TESMIN: variants seen among roughly 807,000 people sequenced by gnomAD.
TESMIN encodes CXC domain containing 2.
In TESMIN, 34 loss-of-function variants were observed where a neutral mutation model predicts 47.4. The observed-to-expected ratio is 0.72, with a 90% CI of 0.55 to 0.96. The LOEUF (loss-of-function observed/expected upper bound fraction) is 0.96. TESMIN is among the 40% of genes least tolerant of loss of function. The pLI is 0.00. For missense variants in TESMIN, 610 were observed against 637.2 expected (o/e 0.96, Z 0.46); for synonymous variants, 278 against 258.9 (o/e 1.07, Z -0.71).
At position 68,750,382 on chromosome 11, in the gene TESMIN, G is replaced by A; in HGVS notation, c.279C>T (p.Leu93=). Residue 93 remains leucine, a synonymous_variant, in exon 2 of 10, where the codon CTC becomes CTT. Transcript: ENST00000255087. ...LAGGDSDGGE[L]LGEYPGIPEL... Reference sequence around the variant, plus strand: ...CTGGGATCCCGGGGTACTCCCCGAGGAGCTCCCCGCCGTCGCTGTCGCCCC... The same window carrying A: ...CTGGGATCCCGGGGTACTCCCCGAGAAGCTCCCCGCCGTCGCTGTCGCCCC... 2.0e-6 allele frequency: 3 copies of A among 1,513,220 alleles called. No homozygotes were observed. The highest frequency in any genetic ancestry group is 1.8e-6 in the Non-Finnish European group (2 of 1,127,174). 93.7% of individuals were successfully genotyped at this position (1,513,220 alleles called of 1,614,324 possible). A position where few individuals can be genotyped will look rare whatever the true frequency, so the allele number is the denominator to read the frequency against.
chr11:68,737,710 A>C, intron 6 of TESMIN: 1 of 960,336 alleles, frequency 1.0e-6, no homozygotes, highest in Non-Finnish European at 1.2e-6. Flanking sequence ...TCAGTATTTC[A>C]AGACCAGCCT....
At position 68,744,795 on chromosome 11, in the gene TESMIN, ACAGT is replaced by A. The variant is rs1466336329; in HGVS notation, c.751+192_751+195del. The A allele has an allele frequency of 4.2e-5, 16 of 379,760 alleles. No homozygotes were observed. In the East Asian group the frequency reaches 7.0e-4, roughly 17 times the overall value. The allele number at this position is 379,760 out of a possible 1,614,324, so 23.5% of individuals were successfully genotyped here. ...AGGGACAGCTATCCAAGAATTTGAG[ACAGT>A]CAGTACAGGGTACAAAAATTAGTCT... On this transcript the variant is annotated intron_variant, in intron 4 of 9. Transcript: ENST00000255087.
intron 6 of TESMIN, among the ~76,000 whole-genome samples, chr11:68,731,459 C>G (rs1437728675): frequency 4.7e-5 from 7 of 148,754 alleles, no homozygotes; most frequent in African/African-American, 1.7e-4. Context: ...AAAAAAAATA[C>G]TGTCATGTGT....
In TESMIN at chr11:68,744,977, A is replaced by G. The variant is rs761671970; in HGVS notation, c.751+14T>C. The G allele has an allele frequency of 6.5e-7, 1 of 1,530,036 alleles. No homozygotes were observed. Among genetic ancestry groups the G allele is most frequent in the Non-Finnish European group, 8.8e-7 (1 of 1,142,628 alleles). The allele number at this position is 1,530,036 out of a possible 1,614,324, so 94.8% of individuals were successfully genotyped here. ...CATATATGACATAGTTTTTTTTATT[A>G]ATTAACTTTGTACCTGACTGTAGAT... On this transcript the variant is annotated intron_variant, in intron 4 of 9. Transcript: ENST00000255087.
At chr11:68,739,585 G>A (rs146259496) in intron 5 of TESMIN, among the ~76,000 whole-genome samples, 21 of 152,174 alleles carry the variant, frequency 1.4e-4, no homozygotes, top group East Asian at 5.8e-4. Flanking sequence ...AAAAAAATGC[G>A]TCTTGTATTC....
At chr11:68,739,989 G>A (rs1305536990) in intron 5 of TESMIN, among the ~76,000 whole-genome samples, 2 of 152,128 alleles carry the variant, frequency 1.3e-5, no homozygotes, top group African/African-American at 4.8e-5. Context: ...GTAAAGCAGA[G>A]ACATCTCTTA....
intron 7 of TESMIN, among the ~76,000 whole-genome samples, chr11:68,714,033 A>G (rs1946104465): frequency 6.6e-6 from 1 of 152,212 alleles, no homozygotes; most frequent in South Asian, 2.1e-4. Context: ...TATGTTATCC[A>G]GGTCTATTTG....
At chr11:68,705,192 C>T (rs771114116), downstream of TESMIN, among the ~76,000 whole-genome samples, 1 of 152,236 alleles carries the variant, frequency 6.6e-6, no homozygotes, top group Non-Finnish European at 1.5e-5. Context: ...GCCTGCAGAA[C>T]GGGAGGCCTC....
At chr11:68,741,274 C>T (rs1485178091) in intron 5 of TESMIN, among the ~76,000 whole-genome samples, 1 of 152,190 alleles carries the variant, frequency 6.6e-6, no homozygotes, top group African/African-American at 2.4e-5. Context: ...GCCCAGTGGC[C>T]TCCTCGCTGC....
At chr11:68,734,836 G>T (rs543932146) in intron 6 of TESMIN, among the ~76,000 whole-genome samples, 82 of 152,170 alleles carry the variant, frequency 5.4e-4, no homozygotes, top group Non-Finnish European at 1.1e-3. Flanking sequence ...TGCTCCGAGC[G>T]CCCGCACGCT....
chr11:68,742,997 C>T (rs1205815065), intron 4 of TESMIN, among the ~76,000 whole-genome samples: 2 of 152,110 alleles, frequency 1.3e-5, no homozygotes, highest in African/African-American at 4.8e-5. Context: ...CCTGCCTCAC[C>T]CTCCCACGTA....
intron 2 of TESMIN, among the ~76,000 whole-genome samples, chr11:68,748,350 T>C (rs1946547577): frequency 6.6e-6 from 1 of 152,282 alleles, no homozygotes; most frequent in African/African-American, 2.4e-5. Context: ...AGTTTAGCTA[T>C]ATTTTAAGTA....
chr11:68,736,330 C>T, intron 6 of TESMIN: 1 of 985,408 alleles, frequency 1.0e-6, no homozygotes, highest in Non-Finnish European at 1.2e-6. Context: ...ACCCCCCAAC[C>T]CTAACAAATG....
intron 4 of TESMIN, among the ~76,000 whole-genome samples, chr11:68,743,678 C>T (rs971251320): frequency 6.6e-6 from 1 of 152,074 alleles, no homozygotes; most frequent in African/African-American, 2.4e-5. Context: ...TCTACAAGTG[C>T]CATGAAAAAC....
chr11:68,741,230 C>T (rs571704627), intron 5 of TESMIN, among the ~76,000 whole-genome samples: 1 of 152,230 alleles, frequency 6.6e-6, no homozygotes, highest in East Asian at 1.9e-4. Context: ...TTGACTTCCT[C>T]CCTGCCCTGC....
chr11:68,748,830 TTG>T (rs1355606334), intron 2 of TESMIN, among the ~76,000 whole-genome samples: 1 of 152,180 alleles, frequency 6.6e-6, no homozygotes, highest in Non-Finnish European at 1.5e-5. Context: ...GAGAATTCTC[TTG>T]TGTGTGTTTT....
intron 6 of TESMIN, 186 bp downstream of exon 6, chr11:68,738,514 G>A: frequency 7.2e-7 from 1 of 1,386,782 alleles, no homozygotes; most frequent in Non-Finnish European, 9.4e-7. Flanking sequence ...AGCCTTTGCA[G>A]CCCCAGTGAA....
At chr11:68,731,305 G>A (rs935781952) in intron 6 of TESMIN, among the ~76,000 whole-genome samples, 2 of 152,172 alleles carry the variant, frequency 1.3e-5, no homozygotes, top group Admixed American at 6.5e-5. Flanking sequence ...GCGCATGCCT[G>A]TAATTCCAGC....
rs760548390 is a variant in TESMIN, at chr11:68,708,524, G to A, written c.1335-24C>T. 4 of 1,584,428 alleles carry A rather than the reference G, an allele frequency of 2.5e-6. No homozygotes were observed. The East Asian group carries it at 8.9e-5, about 35-fold the overall frequency. On this transcript the variant is annotated intron_variant, in intron 9 of 9. Transcript: ENST00000255087. ...GCCTGTCAGAAACAGAGCAGTTAAA[G>A]GCCGCTCAACAGTGCACCATTTCTA... is the stretch of plus-strand genomic sequence containing the variant.
Sources: gnomAD v4.1 joint callset for allele counts (sites outside exome capture counted in the v4.1 genomes callset) on GRCh38, gnomAD v4.1.1 for gene constraint, MANE v1.5 for transcripts, NCBI Gene and HGNC (gene_info 2026-07-23, HGNC 2026-07-21) for gene names.